ACSBG1: variants seen among roughly 807,000 people sequenced by gnomAD.
ACSBG1 encodes acyl-CoA synthetase bubblegum family member 1, also known as long-chain-fatty-acid--CoA ligase ACSBG1.
ACSBG1 carries 39 observed loss-of-function variants against 80.2 expected under a neutral mutation model. The observed-to-expected ratio is 0.49, with a 90% confidence interval of 0.38 to 0.64. The LOEUF (loss-of-function observed/expected upper bound fraction) is 0.64, where lower values mean the gene tolerates loss of function less well. Among genes scored for constraint, ACSBG1 ranks in the 30% least tolerant of loss-of-function variants. The pLI is 0.00. For missense variants in ACSBG1, 828 were observed against 966.4 expected, an observed-to-expected ratio of 0.86 and a Z score of 1.90; for synonymous variants, 392 against 379.5, an observed-to-expected ratio of 1.03 and a Z score of -0.38.
At chr15:78,179,166 C>T (rs1431560938) in intron 10 of ACSBG1, among the ~76,000 whole-genome samples, 2 of 152,234 alleles carry the variant, frequency 1.3e-5, no homozygotes, top group East Asian at 1.9e-4. Flanking sequence ...GGAGGCTGGC[C>T]TGGTCCCCCC....
intron 9 of ACSBG1, 83 bp from the exon 10 acceptor site, chr15:78,179,863 G>T: frequency 1.7e-6 from 2 of 1,153,632 alleles, no homozygotes; most frequent in Non-Finnish European, 2.5e-6. Context: ...TAAAAGGGTG[G>T]TATGGTGGTA....
chr15:78,199,857 C>CT (rs1404815041), intron 2 of ACSBG1, among the ~76,000 whole-genome samples: 1 of 152,078 alleles, frequency 6.6e-6, no homozygotes, highest in African/African-American at 2.4e-5. Context: ...AATCATCCAT[C>CT]TTTAACGTTG....
chr15:78,220,078 T>C (rs1431559541), intron 1 of ACSBG1, among the ~76,000 whole-genome samples: 1 of 152,246 alleles, frequency 6.6e-6, no homozygotes, highest in Non-Finnish European at 1.5e-5. Context: ...CACTTCCTGA[T>C]TTCAAAACAT....
chr15:78,188,093 AAAT>A (rs1455613310), intron 5 of ACSBG1, among the ~76,000 whole-genome samples: 1 of 152,248 alleles, frequency 6.6e-6, no homozygotes, highest in African/African-American at 2.4e-5. Flanking sequence ...AAAGAGAATA[AAAT>A]ACCTAGGAAT....
intron 5 of ACSBG1, among the ~76,000 whole-genome samples, chr15:78,186,366 T>C (rs1277107571): frequency 6.6e-6 from 1 of 152,126 alleles, no homozygotes; most frequent in African/African-American, 2.4e-5. Context: ...ATCAACAGAA[T>C]ATACATTTTT....
In ACSBG1 at chr15:78,171,394, C is replaced by G. The variant is rs376109337; in HGVS notation, c.*50G>C. ...AAGAGACCTGGGGCTCAGGAAGAGGCTCGGAACGCCTGCCCTCTATTCTAT... is the reference window on the plus strand; with the variant it reads ...AAGAGACCTGGGGCTCAGGAAGAGGGTCGGAACGCCTGCCCTCTATTCTAT... On this transcript the variant is annotated 3_prime_UTR_variant, in exon 14 of 14. Transcript: ENST00000258873. 12 of 1,512,248 alleles carry G rather than the reference C, an allele frequency of 7.9e-6. No homozygotes were observed. The East Asian group carries it at 2.7e-4, about 34-fold the overall frequency. The allele number at this position is 1,512,248 out of a possible 1,614,324, so 93.7% of individuals were successfully genotyped here. A position where few individuals can be genotyped will look rare whatever the true frequency, so the allele number is the denominator to read the frequency against.
chr15:78,194,746 A>G lies in ACSBG1; in HGVS notation c.233-20T>C. The G allele has an allele frequency of 6.2e-7, 1 of 1,608,066 alleles. No homozygotes were observed. Among genetic ancestry groups the G allele is most frequent in the South Asian group, 1.1e-5 (1 of 90,852 alleles). Reference sequence around the variant, plus strand: ...CCTCCTCTGTGGGGTGGGGGAGACCACAGCTTGGATCATGCCAGCCTGGGG... The same window carrying G: ...CCTCCTCTGTGGGGTGGGGGAGACCGCAGCTTGGATCATGCCAGCCTGGGG... On this transcript the variant is annotated intron_variant, in intron 2 of 13. Coordinates refer to ENST00000258873, the MANE Select transcript of ACSBG1 (RefSeq NM_015162.5).
At chr15:78,207,928 A>ACC in intron 2 of ACSBG1, 74 bp downstream of exon 2, 4 of 383,788 alleles carry the variant, frequency 1.0e-5, no homozygotes, top group Non-Finnish European at 2.1e-5. Context: ...CCCCCACACC[A>ACC]CCCACCCCTC....
chr15:78,179,609 G>A lies in ACSBG1; in HGVS notation c.1425C>T (p.Gly475=), dbSNP rs1213031139. 1 of 1,614,214 alleles carries A rather than the reference G, an allele frequency of 6.2e-7. No individual in the cohort carries two copies. The change falls in exon 10 of 14, where the codon GGC becomes GGT. Residue 475 remains glycine (G), a synonymous_variant. Coordinates refer to ENST00000258873, the MANE Select transcript of ACSBG1 (RefSeq NM_015162.5). ...AGTGGGGGCCTGAGGTCTCACTGAG[G>A]CCGTAGCCCGCATACAAGCGGATGT... ...GLNIRLYAGY[G]LSETSGPHFM...
intron 1 of ACSBG1, among the ~76,000 whole-genome samples, chr15:78,231,588 T>G (rs1230941636): frequency 1.3e-5 from 2 of 152,078 alleles, no homozygotes; most frequent in Non-Finnish European, 2.9e-5. Context: ...GCCTAGCCTA[T>G]TTTTTATTTT....
chr15:78,174,688 T>C, intron 11 of ACSBG1, 164 bp from the exon 12 acceptor site: 1 of 755,492 alleles, frequency 1.3e-6, no homozygotes, highest in Non-Finnish European at 2.1e-6. Flanking sequence ...AACTCACACC[T>C]GCTTGGGGGC....
At chr15:78,218,443 G>A (rs951823602) in intron 1 of ACSBG1, among the ~76,000 whole-genome samples, 3 of 152,176 alleles carry the variant, frequency 2.0e-5, no homozygotes, top group Admixed American at 6.5e-5. Context: ...GCCTGTACAC[G>A]TGAGAGGCAG....
At chr15:78,192,457 G>A (rs2075065003) in intron 5 of ACSBG1, among the ~76,000 whole-genome samples, 4 of 152,288 alleles carry the variant, frequency 2.6e-5, no homozygotes, top group South Asian at 2.1e-4. Context: ...TTATTTTGCC[G>A]TGAGCCAGAA....
intron 13 of ACSBG1, among the ~76,000 whole-genome samples, chr15:78,173,368 A>G (rs1474859523): frequency 6.7e-6 from 1 of 148,976 alleles, no homozygotes; most frequent in Non-Finnish European, 1.5e-5. Flanking sequence ...AAAAAAAAAA[A>G]AGGAAGTTCT....
At chr15:78,213,817 A>G (rs1436051159) in intron 1 of ACSBG1, 4 of 152,296 alleles carry the variant, frequency 2.6e-5, no homozygotes, top group Admixed American at 6.5e-5. Context: ...TACTAAGCAC[A>G]TGTACTATGC....
chr15:78,233,619 CCTT>C (rs929509400), intron 1 of ACSBG1, among the ~76,000 whole-genome samples: 2 of 152,240 alleles, frequency 1.3e-5, no homozygotes, highest in Non-Finnish European at 2.9e-5. Flanking sequence ...TTAGAAACCT[CCTT>C]CTCTCTGCCC....
chr15:78,230,372 C>T (rs573240222), intron 1 of ACSBG1, among the ~76,000 whole-genome samples: 4 of 152,220 alleles, frequency 2.6e-5, no homozygotes, highest in Non-Finnish European at 5.9e-5. Context: ...AAGCCCTCCT[C>T]GGGCTCTCAG....
chr15:78,209,051 G>C, intron 1 of ACSBG1: 1 of 434,958 alleles, frequency 2.3e-6, no homozygotes, highest in Non-Finnish European at 4.6e-6. Flanking sequence ...TGGTGTCCCT[G>C]AGGGTAGGAC....
chr15:78,221,094 G>A lies in ACSBG1; in HGVS notation c.132-12992C>T, dbSNP rs1157809086. 2.0e-5 allele frequency among the ~76,000 whole-genome samples: 3 copies of A among 152,238 alleles called. No individual in the cohort carries two copies. The East Asian group carries it at 5.8e-4, about 29-fold the overall frequency. ...CTCCACACCTCTGGGTATTTCTCATGAGGAGGGACGAGAGACTGAGAAAAG... is the reference window on the plus strand; with the variant it reads ...CTCCACACCTCTGGGTATTTCTCATAAGGAGGGACGAGAGACTGAGAAAAG... On this transcript the variant is annotated intron_variant, in intron 1 of 13. Coordinates refer to ENST00000258873, the MANE Select transcript of ACSBG1 (RefSeq NM_015162.5).
Sources: allele counts gnomAD v4.1 joint callset (sites outside exome capture counted in the v4.1 genomes callset), GRCh38; gene constraint gnomAD v4.1.1; transcripts MANE v1.5; gene names NCBI Gene and HGNC (gene_info 2026-07-23, HGNC 2026-07-21).